Variants in ELOVL5 observed in about 807,000 individuals in gnomAD.
ELOVL5 encodes the protein very long chain fatty acid elongase 5.
A neutral mutation model predicts 38.6 loss-of-function variants in ELOVL5; 8 were observed. That is an observed-to-expected ratio of 0.21 (90% CI 0.12 to 0.37). ELOVL5 has a LOEUF of 0.37. ELOVL5 is among the 10% of genes least tolerant of loss of function. ELOVL5 has a pLI of 1.00. For missense variants in ELOVL5, 280 were observed against 367.8 expected, an observed-to-expected ratio of 0.76 and a Z score of 1.95; for synonymous variants, 127 against 133.7, an observed-to-expected ratio of 0.95 and a Z score of 0.34.
intron 6 of ELOVL5, among the ~76,000 whole-genome samples, chr6:53,272,547 G>C (rs1187018214): frequency 1.3e-5 from 2 of 152,202 alleles, no homozygotes; most frequent in Non-Finnish European, 2.9e-5. Flanking sequence ...TGTTTAATAT[G>C]AGCAGTAGTA....
intron 1 of ELOVL5, among the ~76,000 whole-genome samples, chr6:53,339,793 CATTA>C (rs943392812): frequency 3.3e-5 from 5 of 152,118 alleles, no homozygotes; most frequent in African/African-American, 4.8e-5. Flanking sequence ...ACTTTTTTAT[CATTA>C]ATTGAGTGTA....
intron 3 of ELOVL5, chr6:53,287,994 G>A (rs1694896254): frequency 4.9e-6 from 7 of 1,440,796 alleles, no homozygotes; most frequent in Non-Finnish European, 4.7e-6. Context: ...GAGGTCTGAG[G>A]CACAGCAGGA....
chr6:53,308,116 T>TAA (rs35764938), intron 1 of ELOVL5, among the ~76,000 whole-genome samples: 9 of 150,156 alleles, frequency 6.0e-5, no homozygotes, highest in South Asian at 2.1e-4. Flanking sequence ...ATTATCAAGT[T>TAA]AAAAAAAAAA....
chr6:53,274,308 G>A (rs1416028881), intron 5 of ELOVL5, among the ~76,000 whole-genome samples: 1 of 151,906 alleles, frequency 6.6e-6, no homozygotes, highest in Non-Finnish European at 1.5e-5. Context: ...AAACCCAAAG[G>A]ATCTGTATTT....
chr6:53,307,485 CTAT>C (rs888779097), intron 1 of ELOVL5, among the ~76,000 whole-genome samples: 3 of 152,188 alleles, frequency 2.0e-5, no homozygotes, highest in African/African-American at 7.2e-5. Context: ...AAAAATGTTT[CTAT>C]TATTATCATC....
intron 1 of ELOVL5, among the ~76,000 whole-genome samples, chr6:53,342,187 C>G (rs114378746): frequency 6.6e-6 from 1 of 152,164 alleles, no homozygotes; most frequent in Non-Finnish European, 1.5e-5. Flanking sequence ...GCGTCAACGA[C>G]TTCTGTAAAT....
intron 2 of ELOVL5, chr6:53,294,256 T>C: frequency 1.3e-6 from 2 of 1,541,356 alleles, no homozygotes; most frequent in Non-Finnish European, 8.8e-7. Context: ...CAATCTGTGG[T>C]GGTCCTAACC....
At position 53,284,314 on chromosome 6, in the gene ELOVL5, T is replaced by TAAAAA. The variant is rs139076867; in HGVS notation, c.246+7457_246+7461dup. The stretch of plus-strand genomic sequence containing the variant: ...GAGCAAGACCATCTTTTTTTTTTTT[T>TAAAAA]AAAAAAAAAGGTAGAAATAACTCCT... On this transcript the variant is annotated intron_variant, in intron 3 of 7. Coordinates refer to ENST00000304434, the MANE Select transcript of ELOVL5 (RefSeq NM_021814.5). Among the ~76,000 whole-genome samples the TAAAAA allele has an allele frequency of 2.5e-3, 354 of 138,898 alleles. 4 individuals carry two copies. In the East Asian group the frequency reaches 0.033, roughly 13 times the overall value. The allele number at this position is 138,898 out of a possible 152,430, so 91.1% of individuals were successfully genotyped here. A position where few individuals can be genotyped will look rare whatever the true frequency, so the allele number is the denominator to read the frequency against.
At chr6:53,284,793 A>G (rs1466979022) in intron 3 of ELOVL5, among the ~76,000 whole-genome samples, 2 of 127,802 alleles carry the variant, frequency 1.6e-5, no homozygotes, top group Non-Finnish European at 3.2e-5. Context: ...AAATATTTCA[A>G]ATTTTTTCAC....
intron 1 of ELOVL5, among the ~76,000 whole-genome samples, chr6:53,299,514 T>C (rs973539242): frequency 5.3e-5 from 8 of 152,176 alleles, no homozygotes; most frequent in Non-Finnish European, 7.3e-5. Context: ...GCCTAGGACA[T>C]AGTCCAATTT....
At chr6:53,298,291 A>C (rs1333579906) in intron 1 of ELOVL5, among the ~76,000 whole-genome samples, 2 of 152,222 alleles carry the variant, frequency 1.3e-5, no homozygotes, top group African/African-American at 4.8e-5. Flanking sequence ...GGATTGAATA[A>C]GTGATGGACA....
At chr6:53,340,104 A>G (rs1769264614) in intron 1 of ELOVL5, among the ~76,000 whole-genome samples, 1 of 152,178 alleles carries the variant, frequency 6.6e-6, no homozygotes, top group South Asian at 2.1e-4. Context: ...AAGAAATAAA[A>G]TATTTTTTTT....
rs77767919 is a variant in ELOVL5, at chr6:53,343,902, C to A, written c.-9+4915G>T. Among the ~76,000 whole-genome samples the A allele has an allele frequency of 4.4e-3, 663 of 152,360 alleles. 10 individuals carry two copies. The highest frequency in any genetic ancestry group is 0.015 in the African/African-American group (640 of 41,582). On this transcript the variant is annotated intron_variant, in intron 1 of 7. Transcript: ENST00000304434. ...TGGTGGAAGAAGCCCAGAAGCCTGGCTCTGCCAGCATCTGGCTGCACCACC... is the reference window on the plus strand; with the variant it reads ...TGGTGGAAGAAGCCCAGAAGCCTGGATCTGCCAGCATCTGGCTGCACCACC...
chr6:53,347,610 C>G (rs1247546619), intron 1 of ELOVL5, among the ~76,000 whole-genome samples: 2 of 152,162 alleles, frequency 1.3e-5, no homozygotes, highest in Non-Finnish European at 2.9e-5. Context: ...GCCACGGGTC[C>G]CGCTATTTAA....
At chr6:53,339,595 G>C (rs1422499537) in intron 1 of ELOVL5, among the ~76,000 whole-genome samples, 7 of 152,110 alleles carry the variant, frequency 4.6e-5, no homozygotes, top group African/African-American at 1.2e-4. Flanking sequence ...CATTATAATG[G>C]AGCTGAAAAA....
At chr6:53,313,116 A>G (rs561399812) in intron 1 of ELOVL5, among the ~76,000 whole-genome samples, 1 of 152,340 alleles carries the variant, frequency 6.6e-6, no homozygotes, top group Non-Finnish European at 1.5e-5. Context: ...AAATCATGAA[A>G]GATACCAAAT....
chr6:53,330,886 A>G (rs1032619193), intron 1 of ELOVL5, among the ~76,000 whole-genome samples: 1 of 152,128 alleles, frequency 6.6e-6, no homozygotes, highest in Non-Finnish European at 1.5e-5. Context: ...AGGATCTTCA[A>G]TATCACTGTC....
chr6:53,325,121 C>T (rs749006257), intron 1 of ELOVL5, among the ~76,000 whole-genome samples: 4 of 152,192 alleles, frequency 2.6e-5, no homozygotes, highest in African/African-American at 4.8e-5. Flanking sequence ...ACATGAATGT[C>T]CTATCCTACT....
intron 1 of ELOVL5, among the ~76,000 whole-genome samples, chr6:53,324,252 C>CAAA (rs59453946): frequency 4.5e-5 from 5 of 110,364 alleles, no homozygotes; most frequent in Admixed American, 1.0e-4. Flanking sequence ...GACTCTACCT[C>CAAA]AAAAAAAAAA....
Sources: gnomAD v4.1 joint callset for allele counts (sites outside exome capture counted in the v4.1 genomes callset) on GRCh38, gnomAD v4.1.1 for gene constraint, MANE v1.5 for transcripts, NCBI Gene and HGNC (gene_info 2026-07-23, HGNC 2026-07-21) for gene names.